Variants in CNTNAP2 observed in about 807,000 individuals in gnomAD.
The protein encoded by CNTNAP2 is contactin-associated protein-like 2.
In CNTNAP2, 98 loss-of-function variants were observed where a neutral mutation model predicts 155.2. The ratio of observed to expected loss-of-function variants is 0.63; its 90% CI spans 0.54 to 0.75. CNTNAP2 has a LOEUF of 0.75. Among genes scored for constraint, CNTNAP2 ranks in the 30% least tolerant of loss-of-function variants. The pLI, the probability that CNTNAP2 is intolerant of heterozygous loss-of-function variation, is 0.00. For missense variants in CNTNAP2, 1,727 were observed against 1,688.1 expected, an observed-to-expected ratio of 1.02 and a Z score of -0.40; for synonymous variants, 651 against 631.2, an observed-to-expected ratio of 1.03 and a Z score of -0.47.
At chr7:148,312,349 G>C (rs1407803304) in intron 21 of CNTNAP2, among the ~76,000 whole-genome samples, 1 of 152,188 alleles carries the variant, frequency 6.6e-6, no homozygotes, top group African/African-American at 2.4e-5. Flanking sequence ...TGATAATTAT[G>C]CTGAGACAGG....
chr7:148,043,808 T>G (rs1802720016), intron 15 of CNTNAP2, among the ~76,000 whole-genome samples: 1 of 152,212 alleles, frequency 6.6e-6, no homozygotes, highest in South Asian at 2.1e-4. Flanking sequence ...ACAACCTTTC[T>G]TCACCAGTAT....
At chr7:147,137,643 T>A (rs1204458255) in intron 8 of CNTNAP2, among the ~76,000 whole-genome samples, 1 of 151,880 alleles carries the variant, frequency 6.6e-6, no homozygotes, top group Non-Finnish European at 1.5e-5. Context: ...AAGTTTCACC[T>A]TAAATAATAA....
At chr7:146,746,673 T>G (rs1801814909) in intron 1 of CNTNAP2, among the ~76,000 whole-genome samples, 4 of 152,182 alleles carry the variant, frequency 2.6e-5, no homozygotes, top group Admixed American at 2.6e-4. Flanking sequence ...ATGAAAATGC[T>G]TGTATTATAA....
At chr7:147,867,864 G>C (rs1190262748) in intron 13 of CNTNAP2, among the ~76,000 whole-genome samples, 1 of 151,990 alleles carries the variant, frequency 6.6e-6, no homozygotes, top group Admixed American at 6.6e-5. Context: ...CTTTTTTCAA[G>C]GTTTTTAACT....
chr7:147,007,410 G>C (rs1402021597), intron 3 of CNTNAP2, among the ~76,000 whole-genome samples: 2 of 152,026 alleles, frequency 1.3e-5, no homozygotes, highest in African/African-American at 4.8e-5. Flanking sequence ...CTATCTACCT[G>C]TCTATCTAGC....
chr7:146,678,099 T>A (rs1028107665), intron 1 of CNTNAP2, among the ~76,000 whole-genome samples: 1 of 152,124 alleles, frequency 6.6e-6, no homozygotes, highest in African/African-American at 2.4e-5. Flanking sequence ...ACTTGCTCTG[T>A]CACCCAGGCT....
At chr7:146,215,414 C>T (rs988584756) in intron 1 of CNTNAP2, among the ~76,000 whole-genome samples, 3 of 151,908 alleles carry the variant, frequency 2.0e-5, no homozygotes, top group African/African-American at 7.3e-5. Context: ...ATAATTAACC[C>T]ATCCACCTTA....
intron 1 of CNTNAP2, among the ~76,000 whole-genome samples, chr7:146,408,390 C>T (rs2129110268): frequency 6.6e-6 from 1 of 152,156 alleles, no homozygotes; most frequent in East Asian, 1.9e-4. Context: ...AAGGGACTGC[C>T]TCAGAGACCT....
intron 10 of CNTNAP2, among the ~76,000 whole-genome samples, chr7:147,451,854 G>C (rs1797839858): frequency 6.6e-6 from 1 of 151,734 alleles, no homozygotes; most frequent in African/African-American, 2.4e-5. Context: ...TGGGTCATTA[G>C]AGCTCCACCC....
intron 3 of CNTNAP2, among the ~76,000 whole-genome samples, chr7:146,926,749 C>A (rs533617346): frequency 6.6e-6 from 1 of 151,954 alleles, no homozygotes; most frequent in Admixed American, 6.6e-5. Flanking sequence ...ATAAATATTA[C>A]AAAGTTGTAA....
intron 4 of CNTNAP2, among the ~76,000 whole-genome samples, chr7:147,103,202 T>G (rs545812931): frequency 6.6e-6 from 1 of 152,276 alleles, no homozygotes; most frequent in South Asian, 2.1e-4. Context: ...GGCTTTAGAA[T>G]GGAACAAAAC....
chr7:146,669,164 A>T (rs954438828), intron 1 of CNTNAP2, among the ~76,000 whole-genome samples: 1 of 152,184 alleles, frequency 6.6e-6, no homozygotes, highest in Non-Finnish European at 1.5e-5. Flanking sequence ...GACAACTTTC[A>T]TCTCTCATAG....
chr7:146,299,694 C>T (rs183232247), intron 1 of CNTNAP2, among the ~76,000 whole-genome samples: 4 of 152,236 alleles, frequency 2.6e-5, no homozygotes, highest in South Asian at 2.1e-4. Context: ...AGCCACTGCA[C>T]CAGGCCTGGG....
intron 8 of CNTNAP2, chr7:147,167,222 A>G (rs1584767378): frequency 3.0e-6 from 1 of 338,912 alleles, no homozygotes; most frequent in Non-Finnish European, 5.3e-6. Flanking sequence ...CAGGATTCCC[A>G]GAAAGATGCT....
intron 4 of CNTNAP2, among the ~76,000 whole-genome samples, chr7:147,071,843 C>A (rs542174315): frequency 3.9e-5 from 6 of 152,224 alleles, no homozygotes; most frequent in African/African-American, 7.2e-5. Flanking sequence ...CCATCTGTAT[C>A]AAAAACTTTT....
At chr7:147,110,489 C>A (rs532621861) in intron 5 of CNTNAP2, among the ~76,000 whole-genome samples, 28 of 152,156 alleles carry the variant, frequency 1.8e-4, no homozygotes, top group African/African-American at 5.3e-4. Context: ...TTAAGGCTGG[C>A]ATCCATTAGC....
intron 3 of CNTNAP2, among the ~76,000 whole-genome samples, chr7:146,983,707 G>C (rs1424798342): frequency 6.6e-6 from 1 of 152,134 alleles, no homozygotes; most frequent in African/African-American, 2.4e-5. Context: ...TCTCCTGTCT[G>C]TTACGGTACA....
chr7:147,477,645 A>T (rs963801327), intron 10 of CNTNAP2, among the ~76,000 whole-genome samples: 2 of 152,234 alleles, frequency 1.3e-5, no homozygotes, highest in Non-Finnish European at 2.9e-5. Context: ...AAAGCTAGTT[A>T]AAACCATTCA....
chr7:147,026,548 A>G (rs536300589), intron 3 of CNTNAP2, among the ~76,000 whole-genome samples: 5 of 152,136 alleles, frequency 3.3e-5, no homozygotes, highest in Admixed American at 6.5e-5. Flanking sequence ...TATGGAAATG[A>G]ATACATCATC....
Sources: gnomAD v4.1 joint callset for allele counts (sites outside exome capture counted in the v4.1 genomes callset) on GRCh38, gnomAD v4.1.1 for gene constraint, MANE v1.5 for transcripts, NCBI Gene and HGNC (gene_info 2026-07-23, HGNC 2026-07-21) for gene names.